POLD1: variants seen among roughly 807,000 people sequenced by gnomAD.
The protein encoded by POLD1 is DNA polymerase delta 1, catalytic subunit.
Under a neutral mutation model 129.7 loss-of-function variants are expected in POLD1, and 79 were observed. That is an observed-to-expected ratio of 0.61 (90% CI 0.51 to 0.73). The LOEUF (loss-of-function observed/expected upper bound fraction) is 0.73, where lower values mean the gene tolerates loss of function less well. POLD1 is among the 30% of genes least tolerant of loss of function. The pLI is 0.00. For missense variants in POLD1, 1,338 were observed against 1,595.8 expected, an observed-to-expected ratio of 0.84 and a Z score of 2.75; for synonymous variants, 714 against 683.3, an observed-to-expected ratio of 1.04 and a Z score of -0.70.
chr19:50,409,065 A>G lies in POLD1; in HGVS notation c.1893-57A>G. On this transcript the variant is annotated intron_variant, in intron 15 of 26. Transcript: ENST00000440232. The surrounding 1 kb of genome is among the most constrained non-coding windows in gnomAD (Gnocchi z 5.8). ...ATGGCCAAGGCCAGGACCGTAGGGC[A>G]GAGGTGGGCTGGAGCAGGAGGGTGG... is the stretch of plus-strand genomic sequence containing the variant. 1 of 1,399,052 alleles carries G rather than the reference A, an allele frequency of 7.1e-7. No individual in the cohort carries two copies. Among genetic ancestry groups the G allele is most frequent in the Non-Finnish European group, 1.0e-6 (1 of 987,482 alleles). 86.7% of individuals were successfully genotyped at this position (1,399,052 alleles called of 1,614,324 possible).
chr19:50,415,867 G>T, intron 22 of POLD1, 41 bp downstream of exon 22: 1 of 1,342,156 alleles, frequency 7.5e-7, no homozygotes, highest in Non-Finnish European at 1.0e-6. Context: ...CAGCCCCCTC[G>T]CTCTCACTTC....
intron 3 of POLD1, among the ~76,000 whole-genome samples, chr19:50,401,182 A>T (rs1265164238): frequency 6.6e-6 from 1 of 150,484 alleles, no homozygotes; most frequent in Non-Finnish European, 1.5e-5. Context: ...TCAGCTGTTC[A>T]GGTGGCTGAG....
Position 50,414,806 on chromosome 19 carries a change from C to G in POLD1, c.2389-9C>G, listed in dbSNP as rs552399406. The G allele has an allele frequency of 3.2e-5, 49 of 1,521,624 alleles. No individual in the cohort carries two copies. Among genetic ancestry groups the G allele is most frequent in the Non-Finnish European group, 3.8e-5 (43 of 1,127,304 alleles). 94.3% of individuals were successfully genotyped at this position (1,521,624 alleles called of 1,614,324 possible). ...CAGGCTCAGGGTCTTGGCCATGGCT[C>G]CCTCCCAGGTCTACTTCCCATACCT... On this transcript the variant is annotated splice_polypyrimidine_tract_variant and intron_variant, in intron 19 of 26. Coordinates refer to ENST00000440232, the MANE Select transcript of POLD1 (RefSeq NM_002691.4).
intron 2 of POLD1, 38 bp downstream of exon 2, chr19:50,399,091 A>T (rs755710825): frequency 1.5e-5 from 24 of 1,550,310 alleles, no homozygotes; most frequent in Non-Finnish European, 2.0e-5. Flanking sequence ...TGCCCAACCC[A>T]TTGCCCCTGG....
At position 50,409,721 on chromosome 19, in the gene POLD1, G is replaced by C. The variant is rs1249832936; in HGVS notation, c.2154+55G>C. On this transcript the variant is annotated intron_variant, in intron 17 of 26. Transcript: ENST00000440232. The surrounding 1 kb of genome is among the most constrained non-coding windows in gnomAD (Gnocchi z 5.8). ...GGGGGCAGGTGGGCCCCCTGTGTAG[G>C]AGACCAGGGCTCCATGTGGGGGACC... The C allele has an allele frequency of 1.3e-6, 2 of 1,536,506 alleles. No individual in the cohort carries two copies. The highest frequency in any genetic ancestry group is 1.8e-6 in the Non-Finnish European group (2 of 1,137,318).
chr19:50,408,925 G>C (rs2038995904), intron 15 of POLD1, 24 bp downstream of exon 15: 1 of 1,592,990 alleles, frequency 6.3e-7, no homozygotes, highest in Non-Finnish European at 8.6e-7. Flanking sequence ...TTCAGCATGT[G>C]TCCCCCGAGG....
At chr19:50,387,900 C>T (rs2038025627) in intron 1 of POLD1, 1 of 152,456 alleles carries the variant, frequency 6.6e-6, no homozygotes, top group Non-Finnish European at 1.5e-5. Context: ...ACGGCTGCAC[C>T]ACTCACAAAA....
At chr19:50,417,563 G>A (rs941718029) in intron 26 of POLD1, among the ~76,000 whole-genome samples, 4 of 152,240 alleles carry the variant, frequency 2.6e-5, no homozygotes, top group African/African-American at 7.2e-5. Flanking sequence ...GGGCGGGGCC[G>A]GGCTTTCCCC....
intron 1 of POLD1, among the ~76,000 whole-genome samples, chr19:50,388,567 T>A (rs932443878): frequency 6.6e-6 from 1 of 152,192 alleles, no homozygotes; most frequent in Non-Finnish European, 1.5e-5. Flanking sequence ...CTTGTAAATT[T>A]GTTACTATTT....
Position 50,398,988 on chromosome 19 carries a change from C to A in POLD1, c.137C>A (p.Ala46Glu). The A allele has an allele frequency of 6.4e-7, 1 of 1,570,428 alleles. No individual in the cohort carries two copies. Among genetic ancestry groups the A allele is most frequent in the Middle Eastern group, 1.9e-4 (1 of 5,166 alleles). ...EDLALMEEMEAEHRLQEQEEE... is the reference protein window; with the variant it reads ...EDLALMEEMEEEHRLQEQEEE... The stretch of plus-strand genomic sequence containing the variant: ...CTGGCACTGATGGAGGAGATGGAGG[C>A]AGAACACAGGCTGCAGGAGCAGGAG... Residue 46 changes from alanine to glutamate, a missense_variant, in exon 2 of 27, where the codon GCA becomes GAA. By Grantham distance (107) the Ala-to-Glu change is moderately radical. This residue lies in a region of POLD1 where 332 missense variants were observed against 315.7 expected (regional missense o/e 1.05). Coordinates refer to ENST00000440232, the MANE Select transcript of POLD1 (RefSeq NM_002691.4).
intron 17 of POLD1, among the ~76,000 whole-genome samples, chr19:50,410,043 T>C (rs118101548): frequency 0.012 from 1,797 of 151,650 alleles, 27 homozygotes; most frequent in Middle Eastern, 0.041. Context: ...TGTCGGGGAG[T>C]GATGGGGCTG....
rs541713748 is a variant in POLD1, at chr19:50,406,139, C to T, written c.1243-43C>T. ...ATCTCCGTTCTTCAGGCTTATGTGA[C>T]GGGGACCCGCAGCCTGCTGCACACC... is the stretch of plus-strand genomic sequence containing the variant. On this transcript the variant is annotated intron_variant, in intron 10 of 26. Transcript: ENST00000440232. The surrounding 1 kb of genome is among the most constrained non-coding windows in gnomAD (Gnocchi z 5.5). The T allele has an allele frequency of 4.6e-5, 74 of 1,594,126 alleles. No individual in the cohort carries two copies. The East Asian group carries it at 4.7e-4, about 10-fold the overall frequency.
At chr19:50,403,735 A>AGCCTAGGCCTGGTCCT in intron 10 of POLD1, 138 bp downstream of exon 10, 3 of 674,226 alleles carry the variant, frequency 4.4e-6, no homozygotes, top group Non-Finnish European at 2.6e-6. Context: ...CTGCAGGGGC[A>AGCCTAGGCCTGGTCCT]GCCTAGGCCT....
At chr19:50,401,379 ATATATATATATATTTTTTTT>A (rs2122224942) in intron 3 of POLD1, among the ~76,000 whole-genome samples, 3 of 55,044 alleles carry the variant, frequency 5.5e-5, no homozygotes, top group South Asian at 1.0e-3. Flanking sequence ...ATATATATAT[ATATATATATATATTTTTTTT>A]TTTTTTTTTT....
intron 17 of POLD1, among the ~76,000 whole-genome samples, chr19:50,412,111 A>G (rs772361178): frequency 6.6e-6 from 1 of 152,100 alleles, no homozygotes; most frequent in Non-Finnish European, 1.5e-5. Context: ...GCATCACTGC[A>G]CTCCATTCTG....
intron 22 of POLD1, 122 bp from the exon 23 acceptor site, chr19:50,416,274 C>A (rs1409772301): frequency 3.0e-6 from 3 of 1,003,628 alleles, no homozygotes; most frequent in Admixed American, 4.8e-5. Context: ...CAGACCCAGG[C>A]CCCCCCCATG....
rs1043752384 is a variant in POLD1 at position 50,407,002 on chromosome 19, G to A, written c.1514G>A (p.Arg505His). 4 of 1,366,188 alleles carry A rather than the reference G, an allele frequency of 2.9e-6. No homozygotes were observed. Among genetic ancestry groups the A allele is most frequent in the East Asian group, 4.4e-5 (1 of 22,822 alleles). 84.6% of individuals were successfully genotyped at this position (1,366,188 alleles called of 1,614,324 possible). ...CCCCAGAATGGGAACGACCAGACCC[G>A]CCGCCGCCTGGCTGTGTACTGCCTG... is the stretch of plus-strand genomic sequence containing the variant. The part of the protein sequence containing the change: ...TDLQNGNDQT[R>H]RRLAVYCLKD... Residue 505 changes from arginine (R) to histidine (H), a missense_variant, in exon 13 of 27, where the codon CGC becomes CAC. Coordinates refer to ENST00000440232, the MANE Select transcript of POLD1 (RefSeq NM_002691.4).
At chr19:50,413,690 G>T (rs2039171360) in intron 18 of POLD1, 52 bp from the exon 19 acceptor site, 30 of 1,563,474 alleles carry the variant, frequency 1.9e-5, no homozygotes, top group Non-Finnish European at 2.6e-5. Context: ...GACACCAGTA[G>T]TTGACAGAAG....
intron 1 of POLD1, chr19:50,394,940 A>G (rs2038293295): frequency 6.7e-6 from 1 of 149,980 alleles, no homozygotes. Context: ...GGTTCAAGGG[A>G]TTCTCCTGCC....
Sources: gnomAD v4.1 joint callset for allele counts (sites outside exome capture counted in the v4.1 genomes callset) on GRCh38, gnomAD v4.1.1 for gene constraint, gnomAD v4.1.1 regional missense constraint, Gnocchi (gnomAD v3.1) non-coding constraint, MANE v1.5 for transcripts, NCBI Gene and HGNC (gene_info 2026-07-23, HGNC 2026-07-21) for gene names.